The following PDE4D variants were observed in gnomAD, a reference collection of about 807,000 sequenced individuals.
The protein encoded by PDE4D is phosphodiesterase 4D, also known as 3',5'-cyclic-AMP phosphodiesterase 4D.
PDE4D carries 24 observed loss-of-function variants against 87.4 expected under a neutral mutation model. The observed-to-expected ratio is 0.27, with a 90% CI of 0.20 to 0.39. The LOEUF is 0.39. Among genes scored for constraint, PDE4D ranks in the 10% least tolerant of loss-of-function variants. The pLI, the probability that PDE4D is intolerant of heterozygous loss-of-function variation, is 1.00. For missense variants in PDE4D, 714 were observed against 1,041.0 expected (o/e 0.69, Z 4.32); for synonymous variants, 384 against 383.2 (o/e 1.00, Z -0.02).
At chr5:60,354,985 C>T (rs1759499574) in intron 1 of PDE4D, among the ~76,000 whole-genome samples, 1 of 152,136 alleles carries the variant, frequency 6.6e-6, no homozygotes, top group South Asian at 2.1e-4. Flanking sequence ...CTATGATTGC[C>T]ATTCCCACAG....
chr5:60,368,810 A>G (rs1365113206), intron 1 of PDE4D, among the ~76,000 whole-genome samples: 6 of 152,090 alleles, frequency 3.9e-5, no homozygotes, highest in Non-Finnish European at 7.4e-5. Context: ...ATCCAAGTGA[A>G]GATGTGCCTG....
At chr5:60,417,213 C>T (rs1742682343) in intron 1 of PDE4D, among the ~76,000 whole-genome samples, 1 of 152,158 alleles carries the variant, frequency 6.6e-6, no homozygotes, top group South Asian at 2.1e-4. Flanking sequence ...GCGGATTCTC[C>T]CCACAGATTT....
rs762148369 is a variant in PDE4D, at chr5:59,318,567, AAGGGTTCTGAAAGGGGTG to A, written c.456-102617_456-102600del. ...CACAAAAGAAGCCATTTTTTAAAAAAAGGGTTCTGAAAGGGGTGAAAATATTCTGTTAGTCAACGAAGC... is the reference window on the plus strand; with the variant it reads ...CACAAAAGAAGCCATTTTTTAAAAAAAAAATATTCTGTTAGTCAACGAAGC... On this transcript the variant is annotated intron_variant, in intron 1 of 14. Transcript: ENST00000340635. 7.7e-3 allele frequency among the ~76,000 whole-genome samples: 1,172 copies of A among 152,306 alleles called. 14 individuals carry two copies. The highest frequency in any genetic ancestry group is 0.025 in the African/African-American group (1,037 of 41,582).
intron 1 of PDE4D, among the ~76,000 whole-genome samples, chr5:59,859,714 G>A (rs1012417108): frequency 1.3e-5 from 2 of 151,940 alleles, no homozygotes; most frequent in African/African-American, 4.8e-5. Flanking sequence ...TAATAAAATG[G>A]TGTGATGAGC....
At chr5:59,660,915 ACT>A (rs1439461756) in intron 1 of PDE4D, among the ~76,000 whole-genome samples, 1 of 151,804 alleles carries the variant, frequency 6.6e-6, no homozygotes. Context: ...ATGTCTTCAA[ACT>A]CTAATCTACC....
chr5:59,760,224 C>T (rs545120445), intron 1 of PDE4D, among the ~76,000 whole-genome samples: 11 of 152,144 alleles, frequency 7.2e-5, no homozygotes, highest in South Asian at 2.1e-4. Flanking sequence ...ACATCTAATG[C>T]CAATGCCTGA....
intron 1 of PDE4D, among the ~76,000 whole-genome samples, chr5:59,519,971 C>T (rs1047388116): frequency 7.2e-5 from 11 of 152,076 alleles, no homozygotes; most frequent in African/African-American, 2.4e-4. Context: ...ATAAATGAGG[C>T]TGTTTATGGG....
intron 1 of PDE4D, among the ~76,000 whole-genome samples, chr5:60,322,476 T>C (rs1756399371): frequency 6.6e-6 from 1 of 151,580 alleles, no homozygotes; most frequent in Non-Finnish European, 1.5e-5. Flanking sequence ...CTCTTTCTTG[T>C]CCCCTCACCT....
chr5:59,680,075 A>T (rs1748751001), intron 1 of PDE4D, among the ~76,000 whole-genome samples: 1 of 152,156 alleles, frequency 6.6e-6, no homozygotes. Context: ...TTTTAAAGTT[A>T]GGATTGCTTA....
intron 1 of PDE4D, among the ~76,000 whole-genome samples, chr5:59,318,806 C>T (rs187948714): frequency 5.9e-4 from 90 of 152,054 alleles, no homozygotes; most frequent in Middle Eastern, 3.4e-3. Context: ...AAATAAACTA[C>T]GTAAGCAGCC....
intron 1 of PDE4D, among the ~76,000 whole-genome samples, chr5:59,868,031 G>C (rs1416527478): frequency 1.3e-5 from 2 of 152,030 alleles, no homozygotes; most frequent in Non-Finnish European, 2.9e-5. Flanking sequence ...TGATCTTTTA[G>C]AAAAGACTGG....
chr5:59,032,431 T>C (rs796742664), intron 6 of PDE4D, among the ~76,000 whole-genome samples: 3 of 152,162 alleles, frequency 2.0e-5, no homozygotes, highest in African/African-American at 7.2e-5. Flanking sequence ...AATACAAAAA[T>C]TAGCTGGGCA....
chr5:59,377,540 G>C (rs1201243912), intron 1 of PDE4D, among the ~76,000 whole-genome samples: 1 of 152,052 alleles, frequency 6.6e-6, no homozygotes, highest in Non-Finnish European at 1.5e-5. Context: ...GCTGTCAACA[G>C]AGTGAGCCTA....
At chr5:59,381,427 A>T (rs1187595991) in intron 1 of PDE4D, among the ~76,000 whole-genome samples, 1 of 152,048 alleles carries the variant, frequency 6.6e-6, no homozygotes, top group South Asian at 2.1e-4. Context: ...TAGTATCCTC[A>T]TTCCTCTTTA....
intron 1 of PDE4D, among the ~76,000 whole-genome samples, chr5:59,866,998 A>C (rs2152733130): frequency 6.6e-6 from 1 of 152,348 alleles, no homozygotes; most frequent in East Asian, 1.9e-4. Context: ...CTGAGCACGT[A>C]TGAATTTATA....
At chr5:60,411,665 A>G (rs1197175088) in intron 1 of PDE4D, among the ~76,000 whole-genome samples, 1 of 152,244 alleles carries the variant, frequency 6.6e-6, no homozygotes, top group Non-Finnish European at 1.5e-5. Flanking sequence ...GCTCTAAAAA[A>G]GTAAAATGAC....
intron 1 of PDE4D, among the ~76,000 whole-genome samples, chr5:59,359,312 A>T (rs1781857302): frequency 6.6e-6 from 1 of 152,228 alleles, no homozygotes; most frequent in East Asian, 1.9e-4. Context: ...AGAAAATTGA[A>T]ACTCTGCTTC....
intron 2 of PDE4D, among the ~76,000 whole-genome samples, chr5:60,073,401 T>G (rs1699172584): frequency 6.6e-6 from 1 of 152,220 alleles, no homozygotes; most frequent in Admixed American, 6.5e-5. Context: ...TGCTCCTAGA[T>G]TCATTTTGCT....
Position 59,824,250 on chromosome 5 carries a change from CT to C in PDE4D, c.455+68917del, listed in dbSNP as rs1770051081. On this transcript the variant is annotated intron_variant, in intron 1 of 14. Coordinates refer to ENST00000340635, the MANE Select transcript of PDE4D (RefSeq NM_001104631.2). ...TTTTATTAATGAGATATTTTACATT[CT>C]TCTCTTTTATACAAAGTCCTTGAAA... Among the ~76,000 whole-genome samples the C allele has an allele frequency of 2.6e-5, 4 of 152,136 alleles. No individual in the cohort carries two copies. The South Asian group carries it at 8.3e-4, about 31-fold the overall frequency.
Sources: allele counts gnomAD v4.1 joint callset (sites outside exome capture counted in the v4.1 genomes callset), GRCh38; gene constraint gnomAD v4.1.1; transcripts MANE v1.5; gene names NCBI Gene and HGNC (gene_info 2026-07-23, HGNC 2026-07-21).